Variants in DCN observed in about 807,000 individuals in gnomAD.
The protein encoded by DCN is bone proteoglycan II.
Under a neutral mutation model 36.5 loss-of-function variants are expected in DCN, and 17 were observed. The observed-to-expected ratio is 0.47, with a 90% confidence interval of 0.32 to 0.70. DCN has a LOEUF of 0.70. Ranked by LOEUF, DCN falls within the 30% of genes least tolerant of loss-of-function variation. DCN has a pLI of 0.04. For synonymous variants in DCN, 163 were observed against 161.4 expected, an observed-to-expected ratio of 1.01 and a Z score of -0.07; for missense variants, 389 against 430.1, an observed-to-expected ratio of 0.90 and a Z score of 0.84.
At position 91,141,252 on chromosome 12, in the gene DCN, T is replaced by C. The variant is rs183125526; in HGVS notation, c.*4806A>G. 6.6e-6 allele frequency: 1 copy of C among 152,300 alleles called. No homozygotes were observed. Among genetic ancestry groups the C allele is most frequent in the Admixed American group, 6.5e-5 (1 of 15,292 alleles). The allele number at this position is 152,300 out of a possible 1,614,324, so 9.4% of individuals were successfully genotyped here. ...GATTGTCATTACCTTTCTGACCTTG[T>C]ATCATATATTATCTCTTCTTGCTCA... On this transcript the variant is annotated 3_prime_UTR_variant, in exon 8 of 8. Coordinates refer to ENST00000052754, the MANE Select transcript of DCN (RefSeq NM_001920.5).
chr12:91,158,093 C>T (rs1425292689), intron 4 of DCN, among the ~76,000 whole-genome samples: 1 of 152,286 alleles, frequency 6.6e-6, no homozygotes, highest in Non-Finnish European at 1.5e-5. Context: ...TCCATATTCT[C>T]AGATACTCAA....
In DCN at chr12:91,142,893, G is replaced by A. The variant is rs950837629; in HGVS notation, c.*3165C>T. 6.6e-6 allele frequency: 1 copy of A among 152,132 alleles called. No individual in the cohort carries two copies. Among genetic ancestry groups the A allele is most frequent in the African/African-American group, 2.4e-5 (1 of 41,436 alleles). 9.4% of individuals were successfully genotyped at this position (152,132 alleles called of 1,614,324 possible). A position where few individuals can be genotyped will look rare whatever the true frequency, so the allele number is the denominator to read the frequency against. ...GAAAGTGGATATTAATGATTAAGTTGTGTCTCCTCCCAGAAGATATGTTCA... is the reference window on the plus strand; with the variant it reads ...GAAAGTGGATATTAATGATTAAGTTATGTCTCCTCCCAGAAGATATGTTCA... On this transcript the variant is annotated 3_prime_UTR_variant, in exon 8 of 8. Transcript: ENST00000052754.
At chr12:91,147,419 T>A (rs1881099123) in intron 7 of DCN, among the ~76,000 whole-genome samples, 1 of 152,262 alleles carries the variant, frequency 6.6e-6, no homozygotes, top group Non-Finnish European at 1.5e-5. Flanking sequence ...ATTATCAATA[T>A]GTAGCATATT....
At chr12:91,149,440 A>G (rs1049164556) in intron 7 of DCN, among the ~76,000 whole-genome samples, 1 of 152,212 alleles carries the variant, frequency 6.6e-6, no homozygotes, top group Non-Finnish European at 1.5e-5. Context: ...AATAGAAGGG[A>G]ACTTCCTCAA....
rs1308630328 is a variant in DCN at position 91,142,823 on chromosome 12, A to T, written c.*3235T>A. 1 of 152,202 alleles carries T rather than the reference A, an allele frequency of 6.6e-6. No homozygotes were observed. The highest frequency in any genetic ancestry group is 1.9e-4 in the East Asian group (1 of 5,200). 9.4% of individuals were successfully genotyped at this position (152,202 alleles called of 1,614,324 possible). ...TGTGAAGCACCCATAATCGAACAACAGTTTTAATGAAAACAAAAAAATTAA... is the reference window on the plus strand; with the variant it reads ...TGTGAAGCACCCATAATCGAACAACTGTTTTAATGAAAACAAAAAAATTAA... On this transcript the variant is annotated 3_prime_UTR_variant, in exon 8 of 8. Coordinates refer to ENST00000052754, the MANE Select transcript of DCN (RefSeq NM_001920.5).
At chr12:91,150,591 G>C (rs190793416) in intron 7 of DCN, among the ~76,000 whole-genome samples, 1 of 152,128 alleles carries the variant, frequency 6.6e-6, no homozygotes, top group East Asian at 1.9e-4. Flanking sequence ...TCAGGAAACA[G>C]TAGATGCTGA....
rs139523647 is a variant in DCN at position 91,152,300 on chromosome 12, C to CATATATATATAT, written c.747-520_747-509dup. Among the ~76,000 whole-genome samples the CATATATATATAT allele has an allele frequency of 8.4e-3, 1,229 of 146,464 alleles. 13 individuals are homozygous for CATATATATATAT. The highest frequency in any genetic ancestry group is 0.03 in the African/African-American group (1,154 of 37,924). ...GGAGTTGATTATACACACACACATGCATATATATATATATACACATTCAAA... is the reference window on the plus strand; with the variant it reads ...GGAGTTGATTATACACACACACATGCATATATATATATATATATATATATATACACATTCAAA... On this transcript the variant is annotated intron_variant, in intron 6 of 7. Transcript: ENST00000052754.
At chr12:91,162,581 T>A (rs1280444107) in intron 3 of DCN, among the ~76,000 whole-genome samples, 1 of 152,184 alleles carries the variant, frequency 6.6e-6, no homozygotes, top group Non-Finnish European at 1.5e-5. Context: ...TAAGTAGATA[T>A]GAAATTAGAG....
rs1004104413 is a variant in DCN, at chr12:91,143,087, C to T, written c.*2971G>A. The T allele has an allele frequency of 6.6e-6, 1 of 152,022 alleles. No individual in the cohort carries two copies. Among genetic ancestry groups the T allele is most frequent in the African/African-American group, 2.4e-5 (1 of 41,386 alleles). The allele number at this position is 152,022 out of a possible 1,614,324, so 9.4% of individuals were successfully genotyped here. On this transcript the variant is annotated 3_prime_UTR_variant, in exon 8 of 8. Coordinates refer to ENST00000052754, the MANE Select transcript of DCN (RefSeq NM_001920.5). ...GACACAAACACATGAGAGAGAAGGC[C>T]ATGTGAGGGTGAAGATGGAGGCATA...
intron 5 of DCN, among the ~76,000 whole-genome samples, chr12:91,156,854 C>T (rs1382789318): frequency 6.6e-6 from 1 of 152,014 alleles, no homozygotes; most frequent in African/African-American, 2.4e-5. Context: ...GCCTGGATGG[C>T]CCCGTGGTCA....
chr12:91,151,958 CA>C (rs1881461114), intron 6 of DCN, among the ~76,000 whole-genome samples, 166 bp from the exon 7 acceptor site: 1 of 152,104 alleles, frequency 6.6e-6, no homozygotes, highest in African/African-American at 2.4e-5. Context: ...GGACAAAGTC[CA>C]TTTATTGTTA....
intron 5 of DCN, among the ~76,000 whole-genome samples, chr12:91,156,126 G>C (rs1215140017): frequency 6.6e-6 from 1 of 152,134 alleles, no homozygotes; most frequent in Non-Finnish European, 1.5e-5. Flanking sequence ...TTGGTGGTTT[G>C]ATGCCTTTTG....
At chr12:91,176,483 G>A (rs1385089189) in intron 2 of DCN, 1 of 152,092 alleles carries the variant, frequency 6.6e-6, no homozygotes, top group East Asian at 1.9e-4. Flanking sequence ...CAGTGAACTT[G>A]CTGCTTCCTA....
rs1834063913 is a variant in DCN, at chr12:91,145,178, C to T, written c.*880G>A. ...TAAATTCTACAGAAAACATTTCTAA[C>T]ATGGGTGGTTTAACTAAAGAAAATA... On this transcript the variant is annotated 3_prime_UTR_variant, in exon 8 of 8. Coordinates refer to ENST00000052754, the MANE Select transcript of DCN (RefSeq NM_001920.5). 1 of 152,166 alleles carries T rather than the reference C, an allele frequency of 6.6e-6. No homozygotes were observed. Among genetic ancestry groups the T allele is most frequent in the Non-Finnish European group, 1.5e-5 (1 of 68,018 alleles). The allele number at this position is 152,166 out of a possible 1,614,324, so 9.4% of individuals were successfully genotyped here.
intron 7 of DCN, among the ~76,000 whole-genome samples, chr12:91,147,408 C>T (rs1881098244): frequency 6.6e-6 from 1 of 152,198 alleles, no homozygotes; most frequent in African/African-American, 2.4e-5. Flanking sequence ...TTCTTCATAG[C>T]ATTATCAATA....
intron 5 of DCN, among the ~76,000 whole-genome samples, chr12:91,155,241 T>C (rs1050321448): frequency 2.0e-5 from 3 of 152,174 alleles, no homozygotes; most frequent in African/African-American, 7.2e-5. Flanking sequence ...TTTACCTGTT[T>C]AAGCCTCATT....
At chr12:91,171,950 GC>G (rs1454229841) in intron 2 of DCN, among the ~76,000 whole-genome samples, 1 of 151,608 alleles carries the variant, frequency 6.6e-6, no homozygotes, top group Non-Finnish European at 1.5e-5. Context: ...TCATTGAGCA[GC>G]CTTATTTAAC....
intron 5 of DCN, among the ~76,000 whole-genome samples, chr12:91,155,279 AC>A (rs1404149005): frequency 9.9e-5 from 15 of 152,136 alleles, no homozygotes; most frequent in African/African-American, 3.6e-4. Flanking sequence ...AGGAATTATA[AC>A]CCTACTATAT....
At chr12:91,148,782 A>T in intron 7 of DCN, among the ~76,000 whole-genome samples, 1 of 151,084 alleles carries the variant, frequency 6.6e-6, no homozygotes, top group Admixed American at 6.6e-5. Flanking sequence ...TAGGACATTC[A>T]CATTCATGTG....
Sources: gnomAD v4.1 joint callset for allele counts (sites outside exome capture counted in the v4.1 genomes callset) on GRCh38, gnomAD v4.1.1 for gene constraint, MANE v1.5 for transcripts, NCBI Gene and HGNC (gene_info 2026-07-23, HGNC 2026-07-21) for gene names.